Variants in CBFB observed in about 807,000 individuals in gnomAD.
CBFB encodes CBF-beta.
A neutral mutation model predicts 30.4 loss-of-function variants in CBFB; 9 were observed. The observed-to-expected ratio is 0.30, with a 90% CI of 0.18 to 0.52. The LOEUF (loss-of-function observed/expected upper bound fraction) is 0.52. Ranked by LOEUF, CBFB falls within the 20% of genes least tolerant of loss-of-function variation. CBFB has a pLI of 0.97. For missense variants in CBFB, 170 were observed against 244.0 expected (o/e 0.70, Z 2.02); for synonymous variants, 94 against 84.0 (o/e 1.12, Z -0.65).
intron 5 of CBFB, among the ~76,000 whole-genome samples, chr16:67,084,750 GGTGTGTGTGCATACGTGTGT>G (rs1234405608): frequency 6.6e-6 from 1 of 152,076 alleles, no homozygotes; most frequent in Non-Finnish European, 1.5e-5. Flanking sequence ...TTTAAATTAA[GGTGTGTGTGCATACGTGTGT>G]GTGTGTGTGC....
Position 67,083,599 on chromosome 16 carries a change from A to G in CBFB, c.495+1291A>G, listed in dbSNP as rs543783216. Among the ~76,000 whole-genome samples the G allele has an allele frequency of 7.2e-5, 11 of 152,150 alleles. No individual in the cohort carries two copies. The South Asian group carries it at 1.9e-3, about 26-fold the overall frequency. ...AGGCGTGAGCCACTGCGTCTGGCCC[A>G]TTATTTCAGTTTTTATAGTTAATTT... On this transcript the variant is annotated intron_variant, in intron 5 of 5. Transcript: ENST00000412916.
intron 5 of CBFB, among the ~76,000 whole-genome samples, chr16:67,092,696 ATCTTT>A (rs1961924279): frequency 7.4e-5 from 7 of 94,682 alleles, no homozygotes; most frequent in African/African-American, 2.4e-4. Context: ...CAGTGGTGCA[ATCTTT>A]TTTTTTTTTT....
chr16:67,095,690 GTT>G (rs869266505), intron 5 of CBFB, among the ~76,000 whole-genome samples: 14 of 124,098 alleles, frequency 1.1e-4, no homozygotes, highest in African/African-American at 1.2e-4. Flanking sequence ...GACCTCATCT[GTT>G]TTTTTTTTTT....
chr16:67,064,088 G>C (rs559925047), intron 3 of CBFB, among the ~76,000 whole-genome samples: 2 of 152,282 alleles, frequency 1.3e-5, no homozygotes, highest in South Asian at 4.1e-4. Flanking sequence ...ACTCACTGAA[G>C]AATTCCCACT....
At position 67,100,297 on chromosome 16, in the gene CBFB, G is replaced by C. The variant is rs934120061; in HGVS notation, c.*1519G>C. The C allele has an allele frequency of 4.5e-6, 1 of 222,128 alleles. No individual in the cohort carries two copies. The highest frequency in any genetic ancestry group is 9.0e-6 in the Non-Finnish European group (1 of 110,932). 13.8% of individuals were successfully genotyped at this position (222,128 alleles called of 1,614,324 possible). ...ATTTAAAAAGCATATAACTGTACTT[G>C]ACTGATGAGGGAGGTGTTACTTTCA... On this transcript the variant is annotated 3_prime_UTR_variant, in exon 6 of 6. Coordinates refer to ENST00000412916, the MANE Select transcript of CBFB (RefSeq NM_022845.3).
At chr16:67,054,882 G>A (rs768413954) in intron 3 of CBFB, among the ~76,000 whole-genome samples, 10 of 151,328 alleles carry the variant, frequency 6.6e-5, no homozygotes, top group Non-Finnish European at 1.5e-4. Flanking sequence ...CCTCCCACGC[G>A]TAGCTGGGAC....
chr16:67,097,749 G>A (rs189311084), intron 5 of CBFB, among the ~76,000 whole-genome samples: 6 of 152,220 alleles, frequency 3.9e-5, no homozygotes, highest in East Asian at 3.9e-4. Context: ...TTATGTCATA[G>A]GTTGTTGGGA....
intron 3 of CBFB, among the ~76,000 whole-genome samples, chr16:67,046,055 C>T (rs891301253): frequency 2.4e-4 from 37 of 152,052 alleles, no homozygotes; most frequent in South Asian, 1.5e-3. Context: ...CTTGGCCTCC[C>T]AAAGTGTTGG....
chr16:67,029,680 C>CGTCCG, intron 1 of CBFB, 47 bp from the exon 2 acceptor site: 1 of 1,495,560 alleles, frequency 6.7e-7, no homozygotes, highest in Non-Finnish European at 9.2e-7. Flanking sequence ...GGCGCGCGGG[C>CGTCCG]GGCGCCGCGG....
intron 3 of CBFB, among the ~76,000 whole-genome samples, chr16:67,066,158 A>G (rs1404928531): frequency 6.6e-6 from 1 of 152,102 alleles, no homozygotes; most frequent in Non-Finnish European, 1.5e-5. Context: ...CTGATCCTGC[A>G]TGCTCCAGGA....
At chr16:67,060,250 G>A (rs1183246802) in intron 3 of CBFB, among the ~76,000 whole-genome samples, 1 of 152,048 alleles carries the variant, frequency 6.6e-6, no homozygotes, top group Non-Finnish European at 1.5e-5. Flanking sequence ...TTACAAGCGT[G>A]AGCCACCACT....
At chr16:67,033,723 C>G (rs748270641) in intron 2 of CBFB, among the ~76,000 whole-genome samples, 1 of 149,018 alleles carries the variant, frequency 6.7e-6, no homozygotes, top group Non-Finnish European at 1.5e-5. Context: ...GCCATTCTCC[C>G]GCTTCAGCCT....
At chr16:67,034,667 C>A (rs951141503) in intron 2 of CBFB, among the ~76,000 whole-genome samples, 1 of 152,110 alleles carries the variant, frequency 6.6e-6, no homozygotes, top group Non-Finnish European at 1.5e-5. Flanking sequence ...TGAGGTAATA[C>A]GATCTGCAGA....
chr16:67,086,911 A>T (rs1186402046), intron 5 of CBFB, among the ~76,000 whole-genome samples: 1 of 152,100 alleles, frequency 6.6e-6, no homozygotes, highest in East Asian at 1.9e-4. Context: ...AGGAAGCTTA[A>T]GTCTGCCTCT....
chr16:67,069,060 C>G (rs1961142664), intron 4 of CBFB, among the ~76,000 whole-genome samples: 1 of 152,096 alleles, frequency 6.6e-6, no homozygotes, highest in South Asian at 2.1e-4. Flanking sequence ...ACTAAAAATA[C>G]AAAATCAGCC....
intron 3 of CBFB, among the ~76,000 whole-genome samples, chr16:67,042,702 TAGAG>T (rs947411079): frequency 2.0e-5 from 3 of 152,170 alleles, no homozygotes; most frequent in Non-Finnish European, 2.9e-5. Flanking sequence ...TGCTTCTCCA[TAGAG>T]AGAAAAAGAG....
intron 5 of CBFB, among the ~76,000 whole-genome samples, chr16:67,089,686 G>T (rs1961829954): frequency 6.6e-6 from 1 of 152,108 alleles, no homozygotes; most frequent in Non-Finnish European, 1.5e-5. Context: ...TGTCCCTGGG[G>T]GTGTTTTTAC....
At chr16:67,030,761 G>A (rs754557118) in intron 2 of CBFB, among the ~76,000 whole-genome samples, 1 of 152,050 alleles carries the variant, frequency 6.6e-6, no homozygotes, top group Non-Finnish European at 1.5e-5. Context: ...CACCACGCCC[G>A]GCTAATTTTT....
intron 2 of CBFB, among the ~76,000 whole-genome samples, chr16:67,031,253 A>G (rs1405650436): frequency 6.6e-6 from 1 of 152,152 alleles, no homozygotes; most frequent in African/African-American, 2.4e-5. Context: ...GTTATGAAAG[A>G]GAGTCTCAAG....
Sources: gnomAD v4.1 joint callset for allele counts (sites outside exome capture counted in the v4.1 genomes callset) on GRCh38, gnomAD v4.1.1 for gene constraint, MANE v1.5 for transcripts, NCBI Gene and HGNC (gene_info 2026-07-23, HGNC 2026-07-21) for gene names.